The following TBL1X variants were observed in gnomAD, a reference collection of about 807,000 sequenced individuals.
TBL1X encodes transducin beta like 1 X-linked.
TBL1X carries 10 observed loss-of-function variants against 50.7 expected under a neutral mutation model. The observed-to-expected ratio is 0.20, with a 90% CI of 0.12 to 0.33. TBL1X has a LOEUF of 0.33. Ranked by LOEUF, TBL1X falls within the 10% of genes least tolerant of loss-of-function variation. The probability of loss-of-function intolerance (pLI) is 1.00; values close to 1 mark genes in which losing one functional copy is unlikely to be tolerated. For missense variants in TBL1X, 340 were observed against 504.4 expected, an observed-to-expected ratio of 0.67 and a Z score of 3.12; for synonymous variants, 190 against 214.7, an observed-to-expected ratio of 0.88 and a Z score of 1.01.
At chrX:9,706,680 T>A (rs747728100) in intron 13 of TBL1X, among the ~76,000 whole-genome samples, 1 of 111,704 alleles carries the variant, frequency 9.0e-6, no homozygotes, top group African/African-American at 3.3e-5. Context: ...TCCCTCAGAT[T>A]AGCCAATTTC....
In TBL1X at chrX:9,717,883, A is replaced by G. The variant is rs751161565; in HGVS notation, c.*1637A>G. 9 of 112,492 alleles carry G rather than the reference A, an allele frequency of 8.0e-5. No individual in the cohort carries two copies. The highest frequency in any genetic ancestry group is 1.9e-4 in the Admixed American group (2 of 10,639). 9.3% of individuals were successfully genotyped at this position (112,492 alleles called of 1,213,427 possible). ...CTTTATAATTTCTTTGTCTCACAGAAGACTAGGAGAAAGATCTTTTTTAAA... is the reference window on the plus strand; with the variant it reads ...CTTTATAATTTCTTTGTCTCACAGAGGACTAGGAGAAAGATCTTTTTTAAA... On this transcript the variant is annotated 3_prime_UTR_variant, in exon 18 of 18. Transcript: ENST00000645353.
At chrX:9,692,082 C>T (rs775941741) in intron 8 of TBL1X, 31 bp from the exon 9 acceptor site, 2 of 1,209,957 alleles carry the variant, frequency 1.7e-6, no homozygotes, top group Admixed American at 2.2e-5. Context: ...TTGAACCAAA[C>T]ACCAGAGGCT....
At chrX:9,504,477 A>G (rs2082016580) in intron 2 of TBL1X, among the ~76,000 whole-genome samples, 1 of 112,323 alleles carries the variant, frequency 8.9e-6, no homozygotes, top group Non-Finnish European at 1.9e-5. Context: ...AGTAGGCTTC[A>G]GAAGATGGGT....
chrX:9,511,519 A>G (rs915487806), intron 2 of TBL1X, among the ~76,000 whole-genome samples: 2 of 112,438 alleles, frequency 1.8e-5, no homozygotes, highest in Non-Finnish European at 3.8e-5. Context: ...AGATACCAGT[A>G]TTCTGTGATT....
intron 2 of TBL1X, among the ~76,000 whole-genome samples, chrX:9,589,461 T>C (rs2082488016): frequency 9.1e-6 from 1 of 110,003 alleles, no homozygotes; most frequent in South Asian, 4.1e-4. Context: ...AAACCCGGTC[T>C]TGATTGGGGA....
intron 2 of TBL1X, among the ~76,000 whole-genome samples, chrX:9,560,762 A>G (rs1380876475): frequency 9.0e-6 from 1 of 111,582 alleles, no homozygotes; most frequent in Non-Finnish European, 1.9e-5. Context: ...TTGCGGGGCC[A>G]TTCATGAAGG....
intron 1 of TBL1X, among the ~76,000 whole-genome samples, chrX:9,473,765 A>G (rs1356939384): frequency 8.9e-6 from 1 of 112,238 alleles, no homozygotes; most frequent in East Asian, 2.8e-4. Context: ...TTCTATGTCA[A>G]CTTCAGCCAT....
At chrX:9,565,499 G>A (rs2147003490) in intron 2 of TBL1X, among the ~76,000 whole-genome samples, 1 of 111,116 alleles carries the variant, frequency 9.0e-6, no homozygotes, top group African/African-American at 3.3e-5. Flanking sequence ...TAAACTTGAT[G>A]TATTGATTAG....
intron 1 of TBL1X, among the ~76,000 whole-genome samples, chrX:9,491,110 C>G (rs1484941527): frequency 9.4e-6 from 1 of 106,727 alleles, no homozygotes; most frequent in Non-Finnish European, 1.9e-5. Flanking sequence ...TCTTGAGTAG[C>G]TTGGGACTAT....
At chrX:9,674,770 G>C in intron 5 of TBL1X, among the ~76,000 whole-genome samples, 1 of 96,706 alleles carries the variant, frequency 1.0e-5, no homozygotes. Context: ...TGTAAAGATG[G>C]GGTCTCATTT....
chrX:9,556,763 G>T lies in TBL1X; in HGVS notation c.-131+54914G>T, dbSNP rs761709309. ...TGGTGGTATTTGCTGAAGGCTCGAGGGTTAAGTTTCTGGTTTTTTGTTTTG... is the reference window on the plus strand; with the variant it reads ...TGGTGGTATTTGCTGAAGGCTCGAGTGTTAAGTTTCTGGTTTTTTGTTTTG... On this transcript the variant is annotated intron_variant, in intron 2 of 17. Coordinates refer to ENST00000645353, the MANE Select transcript of TBL1X (RefSeq NM_005647.4). Among the ~76,000 whole-genome samples the T allele has an allele frequency of 4.3e-3, 470 of 109,678 alleles. 2 individuals are homozygous for T. The highest frequency in any genetic ancestry group is 6.3e-3 in the Non-Finnish European group (334 of 52,819).
chrX:9,644,919 A>G (rs1419659130), intron 3 of TBL1X: 1 of 111,569 alleles, frequency 9.0e-6, no homozygotes, highest in East Asian at 2.8e-4. Context: ...CAGCCTCCCA[A>G]AGTGCTGGGA....
intron 2 of TBL1X, among the ~76,000 whole-genome samples, chrX:9,614,952 T>C (rs994975555): frequency 9.0e-6 from 1 of 111,681 alleles, no homozygotes; most frequent in Non-Finnish European, 1.9e-5. Context: ...AAGTGATAAT[T>C]CTCGTTGACC....
At chrX:9,701,841 C>T (rs1369150756) in intron 12 of TBL1X, among the ~76,000 whole-genome samples, 1 of 111,351 alleles carries the variant, frequency 9.0e-6, no homozygotes, top group African/African-American at 3.3e-5. Context: ...ATGTTGTAAA[C>T]GAGAACGAAG....
chrX:9,688,303 T>G, intron 7 of TBL1X, 28 bp downstream of exon 7: 1 of 1,089,970 alleles, frequency 9.2e-7, no homozygotes, highest in Non-Finnish European at 1.2e-6. Context: ...GGGAGTTCGG[T>G]GGGCCTCTCT....
At chrX:9,507,029 A>G (rs991073321) in intron 2 of TBL1X, among the ~76,000 whole-genome samples, 2 of 112,341 alleles carry the variant, frequency 1.8e-5, no homozygotes, top group Admixed American at 1.9e-4. Context: ...GAAAACTGGT[A>G]CAAAACAAGG....
At chrX:9,703,785 A>G (rs1271796724) in intron 12 of TBL1X, among the ~76,000 whole-genome samples, 1 of 111,436 alleles carries the variant, frequency 9.0e-6, no homozygotes, top group Non-Finnish European at 1.9e-5. Flanking sequence ...TGTAGCTGAG[A>G]CTCCAGGAAG....
chrX:9,468,725 G>A (rs767471704), intron 1 of TBL1X, among the ~76,000 whole-genome samples: 1 of 110,693 alleles, frequency 9.0e-6, no homozygotes, highest in East Asian at 2.8e-4. Flanking sequence ...GAGAGGAGGT[G>A]GGTAGGAGTA....
chrX:9,645,204 C>T (rs936726949), intron 3 of TBL1X: 1 of 111,714 alleles, frequency 9.0e-6, no homozygotes, highest in East Asian at 2.8e-4. Flanking sequence ...AAGCGATTGT[C>T]GTGCCTCAGA....
Sources: gnomAD v4.1 joint callset for allele counts (sites outside exome capture counted in the v4.1 genomes callset) on GRCh38, gnomAD v4.1.1 for gene constraint, MANE v1.5 for transcripts, NCBI Gene and HGNC (gene_info 2026-07-23, HGNC 2026-07-21) for gene names.